Variants in TJP1 observed in about 807,000 individuals in gnomAD.
TJP1 encodes the protein tight junction protein ZO-1.
In TJP1, 43 loss-of-function variants were observed where a neutral mutation model predicts 194.2. That is an observed-to-expected ratio of 0.22 (90% confidence interval 0.17 to 0.29). The LOEUF is 0.29. Ranked by LOEUF, TJP1 falls within the 10% of genes least tolerant of loss-of-function variation. TJP1 has a pLI of 1.00. For synonymous variants in TJP1, 801 were observed against 779.0 expected (o/e 1.03, Z -0.47); for missense variants, 1,971 against 2,185.7 (o/e 0.90, Z 1.96).
Position 29,936,878 on chromosome 15 carries a change from A to T in TJP1, c.306+19354T>A, listed in dbSNP as rs144012682. On this transcript the variant is annotated intron_variant, in intron 2 of 28. Transcript: ENST00000356107. ...ATTTAGAACGCTGGCAGCCCAGTGG[A>T]GTCCAGCTACACAGCTCGGCGCGTT... Among the ~76,000 whole-genome samples the T allele has an allele frequency of 7.9e-5, 12 of 152,276 alleles. No individual in the cohort carries two copies. The East Asian group carries it at 2.3e-3, about 29-fold the overall frequency.
intron 2 of TJP1, among the ~76,000 whole-genome samples, chr15:29,877,128 G>C (rs2039102847): frequency 6.6e-6 from 1 of 152,192 alleles, no homozygotes; most frequent in Admixed American, 6.5e-5. Flanking sequence ...AAAACTCATT[G>C]TTCTTATAAT....
intron 2 of TJP1, among the ~76,000 whole-genome samples, chr15:29,916,848 C>T (rs796364593): frequency 2.9e-4 from 44 of 152,284 alleles, no homozygotes; most frequent in African/African-American, 9.9e-4. Flanking sequence ...TTAGGATAAA[C>T]CACTACAAAA....
At chr15:29,765,296 C>T (rs2046263976) in intron 5 of TJP1, among the ~76,000 whole-genome samples, 1 of 152,120 alleles carries the variant, frequency 6.6e-6, no homozygotes, top group African/African-American at 2.4e-5. Flanking sequence ...TGAGACTTCA[C>T]TGAATGGGGG....
At chr15:29,958,430 T>C (rs2056029963) in intron 1 of TJP1, among the ~76,000 whole-genome samples, 1 of 152,188 alleles carries the variant, frequency 6.6e-6, no homozygotes, top group Non-Finnish European at 1.5e-5. Flanking sequence ...TTTACTCATA[T>C]GTTTAGATCT....
chr15:29,796,581 A>G (rs966276432), intron 2 of TJP1, among the ~76,000 whole-genome samples: 4 of 152,210 alleles, frequency 2.6e-5, no homozygotes, highest in African/African-American at 9.6e-5. Context: ...TTAAAATGTT[A>G]ATTATCCCCA....
chr15:29,841,869 G>A (rs1192089299), intron 2 of TJP1, among the ~76,000 whole-genome samples: 5 of 152,052 alleles, frequency 3.3e-5, no homozygotes, highest in Non-Finnish European at 7.3e-5. Context: ...CCAATATCTT[G>A]TATGTACTAT....
intron 2 of TJP1, among the ~76,000 whole-genome samples, chr15:29,837,775 TTC>T (rs1220188902): frequency 2.0e-5 from 3 of 152,210 alleles, no homozygotes; most frequent in Non-Finnish European, 4.4e-5. Flanking sequence ...TCTTTACTCT[TTC>T]TGTTTCCTTT....
At chr15:29,935,720 C>A (rs1001114082) in intron 2 of TJP1, among the ~76,000 whole-genome samples, 1 of 152,128 alleles carries the variant, frequency 6.6e-6, no homozygotes, top group African/African-American at 2.4e-5. Flanking sequence ...CCCTACACCC[C>A]CGTTCCTGCT....
chr15:29,968,354 C>A (rs1341421996), intron 1 of TJP1: 1 of 985,404 alleles, frequency 1.0e-6, no homozygotes. Flanking sequence ...AAAGGACAGA[C>A]AGAGGCGGGA....
intron 11 of TJP1, among the ~76,000 whole-genome samples, chr15:29,735,134 A>T (rs1258579267): frequency 6.6e-6 from 1 of 152,068 alleles, no homozygotes; most frequent in Non-Finnish European, 1.5e-5. Context: ...TGAACTTATT[A>T]AAATGTCACC....
intron 2 of TJP1, among the ~76,000 whole-genome samples, chr15:29,780,665 G>A (rs1373086087): frequency 1.3e-5 from 2 of 151,986 alleles, no homozygotes; most frequent in Non-Finnish European, 2.9e-5. Flanking sequence ...CCTGAAAGAA[G>A]GCTTAAAAGA....
At chr15:29,821,909 G>A in intron 1 of TJP1, 93 bp downstream of exon 1, 3 of 1,110,414 alleles carry the variant, frequency 2.7e-6, no homozygotes, top group Non-Finnish European at 3.3e-6. Context: ...CCAGACAGCC[G>A]CCAGCGAGGG....
chr15:29,738,423 C>T (rs577379709), intron 10 of TJP1, among the ~76,000 whole-genome samples: 2 of 152,122 alleles, frequency 1.3e-5, no homozygotes, highest in African/African-American at 2.4e-5. Flanking sequence ...GATTTCTAGT[C>T]TCTTTAAGCC....
chr15:29,824,564 A>T (rs942660767), upstream of TJP1, among the ~76,000 whole-genome samples: 8 of 144,446 alleles, frequency 5.5e-5, no homozygotes, highest in Non-Finnish European at 1.1e-4. Context: ...AGACCCCATT[A>T]AAAAAAAAAA....
chr15:29,750,760 CTT>C (rs1028937614), intron 8 of TJP1, among the ~76,000 whole-genome samples: 14 of 152,272 alleles, frequency 9.2e-5, no homozygotes, highest in East Asian at 3.9e-4. Flanking sequence ...AAATTAAAGA[CTT>C]ATACTACAAA....
chr15:29,774,215 C>T (rs1316920800), intron 2 of TJP1, among the ~76,000 whole-genome samples: 1 of 152,166 alleles, frequency 6.6e-6, no homozygotes, highest in African/African-American at 2.4e-5. Flanking sequence ...ACAACTTCCT[C>T]CCTCAGCTTT....
chr15:29,939,743 G>A (rs945186971), intron 2 of TJP1, among the ~76,000 whole-genome samples: 4 of 152,154 alleles, frequency 2.6e-5, no homozygotes, highest in Admixed American at 1.3e-4. Context: ...CCTCATGAAT[G>A]GGATTAGTGC....
chr15:29,779,196 C>A (rs572611598), intron 2 of TJP1, among the ~76,000 whole-genome samples: 1 of 152,284 alleles, frequency 6.6e-6, no homozygotes, highest in African/African-American at 2.4e-5. Flanking sequence ...GAACCTTCAA[C>A]TGGGCCTGCA....
chr15:29,962,975 A>C (rs768780305), intron 1 of TJP1, among the ~76,000 whole-genome samples: 1 of 152,180 alleles, frequency 6.6e-6, no homozygotes, highest in South Asian at 2.1e-4. Flanking sequence ...CCCCGTCTCT[A>C]CTAAAAATAT....
Sources: gnomAD v4.1 joint callset for allele counts (sites outside exome capture counted in the v4.1 genomes callset) on GRCh38, gnomAD v4.1.1 for gene constraint, MANE v1.5 for transcripts, NCBI Gene and HGNC (gene_info 2026-07-23, HGNC 2026-07-21) for gene names.